Variants in MCTP1 observed in about 807,000 individuals in gnomAD.
The protein encoded by MCTP1 is multiple C2 and transmembrane domain containing 1, also known as multiple C2 and transmembrane domain-containing protein 1.
A neutral mutation model predicts 120.6 loss-of-function variants in MCTP1; 69 were observed. The observed-to-expected ratio is 0.57, with a 90% CI of 0.47 to 0.70. The LOEUF (loss-of-function observed/expected upper bound fraction) is 0.70. MCTP1 is among the 30% of genes least tolerant of loss of function. MCTP1 has a pLI of 0.00. For synonymous variants in MCTP1, 529 were observed against 493.1 expected, an observed-to-expected ratio of 1.07 and a Z score of -0.96; for missense variants, 1,203 against 1,248.8, an observed-to-expected ratio of 0.96 and a Z score of 0.55.
At chr5:95,024,325 G>A (rs1162232747) in intron 1 of MCTP1, among the ~76,000 whole-genome samples, 1 of 152,030 alleles carries the variant, frequency 6.6e-6, no homozygotes. Context: ...CAATAAATGT[G>A]GCTCACCATA....
intron 1 of MCTP1, among the ~76,000 whole-genome samples, chr5:95,217,585 C>T (rs192759938): frequency 2.2e-4 from 34 of 152,194 alleles, no homozygotes; most frequent in Admixed American, 5.2e-4. Flanking sequence ...AGACAACATT[C>T]GCTGTAATTA....
intron 1 of MCTP1, among the ~76,000 whole-genome samples, chr5:95,101,799 A>C (rs969868251): frequency 6.6e-6 from 1 of 152,228 alleles, no homozygotes; most frequent in Non-Finnish European, 1.5e-5. Flanking sequence ...AATTATTCAC[A>C]AACAGGCTAA....
intron 17 of MCTP1, among the ~76,000 whole-genome samples, chr5:94,828,673 C>A (rs1026286245): frequency 6.6e-6 from 1 of 152,170 alleles, no homozygotes; most frequent in Admixed American, 6.5e-5. Context: ...GAATCTAGAG[C>A]GGCAGTCTGG....
chr5:94,826,369 T>C, intron 17 of MCTP1: 1 of 583,268 alleles, frequency 1.7e-6, no homozygotes, highest in Non-Finnish European at 3.2e-6. Flanking sequence ...GCAAAGAAGC[T>C]GCAACAGCTT....
intron 1 of MCTP1, among the ~76,000 whole-genome samples, chr5:95,216,572 T>A (rs1753055762): frequency 6.6e-6 from 1 of 152,212 alleles, no homozygotes; most frequent in Non-Finnish European, 1.5e-5. Context: ...GAGTTTCTCC[T>A]TAGGCATTCA....
intron 1 of MCTP1, chr5:95,023,941 T>C (rs1433332201): frequency 4.7e-6 from 1 of 211,934 alleles, no homozygotes; most frequent in Non-Finnish European, 1.0e-5. Flanking sequence ...ATTTAGCAGT[T>C]ATAAGAAGTT....
At chr5:94,817,555 T>C (rs1431687277) in intron 17 of MCTP1, among the ~76,000 whole-genome samples, 1 of 152,222 alleles carries the variant, frequency 6.6e-6, no homozygotes, top group Admixed American at 6.5e-5. Context: ...CTGATTACTA[T>C]AAAAAGTACA....
intron 1 of MCTP1, among the ~76,000 whole-genome samples, chr5:95,192,437 A>C (rs980856535): frequency 6.6e-6 from 1 of 151,472 alleles, no homozygotes; most frequent in Non-Finnish European, 1.5e-5. Flanking sequence ...TCTCTTTTTG[A>C]ACAAATTTGT....
At chr5:95,270,763 T>A (rs421754) in intron 1 of MCTP1, among the ~76,000 whole-genome samples, 130,547 of 152,082 alleles carry the variant, frequency 0.86, 56,159 homozygotes, top group African/African-American at 0.92. Flanking sequence ...AACCCCATCT[T>A]TACTAAAAAT....
intron 2 of MCTP1, among the ~76,000 whole-genome samples, chr5:94,976,309 G>T (rs1286896945): frequency 6.6e-6 from 1 of 152,070 alleles, no homozygotes; most frequent in Non-Finnish European, 1.5e-5. Context: ...AAATTATCCA[G>T]GTGTAGTGGC....
chr5:94,762,373 T>C (rs1240643159), intron 19 of MCTP1, among the ~76,000 whole-genome samples: 1 of 152,232 alleles, frequency 6.6e-6, no homozygotes, highest in Non-Finnish European at 1.5e-5. Context: ...ATGGTTACTA[T>C]ATGCCTTTCC....
chr5:94,882,862 C>A (rs1800422922), intron 12 of MCTP1, among the ~76,000 whole-genome samples: 1 of 152,120 alleles, frequency 6.6e-6, no homozygotes, highest in African/African-American at 2.4e-5. Flanking sequence ...AACCATGTGA[C>A]CTGCATATGA....
intron 1 of MCTP1, among the ~76,000 whole-genome samples, chr5:95,072,461 T>C (rs886114185): frequency 2.6e-5 from 4 of 152,206 alleles, no homozygotes; most frequent in Admixed American, 6.5e-5. Context: ...AATTGATGGC[T>C]CTACAGACAT....
intron 1 of MCTP1, 86 bp from the exon 2 acceptor site, chr5:95,017,570 A>G: frequency 1.7e-6 from 1 of 602,114 alleles, no homozygotes; most frequent in Non-Finnish European, 2.7e-6. Context: ...GCTTAACCCA[A>G]ATTATAAGAA....
At chr5:94,995,825 C>T (rs1832517286) in intron 2 of MCTP1, among the ~76,000 whole-genome samples, 2 of 152,052 alleles carry the variant, frequency 1.3e-5, no homozygotes, top group African/African-American at 4.8e-5. Flanking sequence ...AAAAAATGCT[C>T]AAAAGGGAAT....
chr5:94,773,454 G>A (rs542339315), intron 19 of MCTP1, among the ~76,000 whole-genome samples: 8 of 152,100 alleles, frequency 5.3e-5, no homozygotes, highest in Non-Finnish European at 1.0e-4. Flanking sequence ...GTTTTGATAG[G>A]CAGAATTCTA....
intron 2 of MCTP1, among the ~76,000 whole-genome samples, chr5:95,015,505 A>C (rs11956276): frequency 0.025 from 3,877 of 152,136 alleles, 181 homozygotes; most frequent in African/African-American, 0.089. Flanking sequence ...TTATTTACCT[A>C]CATTCTGTAT....
intron 1 of MCTP1, among the ~76,000 whole-genome samples, chr5:95,148,445 T>C (rs999856735): frequency 1.3e-5 from 2 of 152,236 alleles, no homozygotes; most frequent in Non-Finnish European, 2.9e-5. Flanking sequence ...ATGAAAGTAG[T>C]CTTCAAGCTC....
intron 2 of MCTP1, among the ~76,000 whole-genome samples, chr5:95,010,349 A>G (rs1225545002): frequency 6.6e-6 from 1 of 152,010 alleles, no homozygotes; most frequent in Non-Finnish European, 1.5e-5. Flanking sequence ...AGCTCTCAAC[A>G]TTATATTCTA....
Sources: gnomAD v4.1 joint callset for allele counts (sites outside exome capture counted in the v4.1 genomes callset) on GRCh38, gnomAD v4.1.1 for gene constraint, MANE v1.5 for transcripts, NCBI Gene and HGNC (gene_info 2026-07-23, HGNC 2026-07-21) for gene names.